PCDHGB4: variants seen among roughly 807,000 people sequenced by gnomAD.
The protein encoded by PCDHGB4 is protocadherin gamma subfamily B, 4.
A neutral mutation model predicts 60.5 loss-of-function variants in PCDHGB4; 38 were observed. The ratio of observed to expected loss-of-function variants is 0.63; its 90% CI spans 0.48 to 0.82. The LOEUF (loss-of-function observed/expected upper bound fraction) is 0.82. Ranked by LOEUF, PCDHGB4 falls within the 40% of genes least tolerant of loss-of-function variation. The pLI is 0.00. For missense variants in PCDHGB4, 1,109 were observed against 1,209.6 expected (o/e 0.92, Z 1.23); for synonymous variants, 456 against 509.7 (o/e 0.89, Z 1.42).
chr5:141,424,556 G>C (rs2096828013), intron 1 of PCDHGB4: 1 of 152,128 alleles, frequency 6.6e-6, no homozygotes, highest in South Asian at 2.1e-4. Context: ...TTGATTCAGT[G>C]CTTCTCAAAA....
intron 1 of PCDHGB4, among the ~76,000 whole-genome samples, chr5:141,472,725 C>T (rs1250092748): frequency 6.6e-6 from 1 of 152,022 alleles, no homozygotes; most frequent in Non-Finnish European, 1.5e-5. Flanking sequence ...GTGGCTCACA[C>T]CTGTAATCCC....
Position 141,502,866 on chromosome 5 carries a change from C to CTTTTTTTTTTTTTT in PCDHGB4, c.2457-2526_2457-2513dup, listed in dbSNP as rs549047197. Among the ~76,000 whole-genome samples the CTTTTTTTTTTTTTT allele has an allele frequency of 1.6e-4, 20 of 128,024 alleles. 4 individuals are homozygous for CTTTTTTTTTTTTTT. The highest frequency in any genetic ancestry group is 2.6e-4 in the Admixed American group (3 of 11,660). 84.0% of individuals were successfully genotyped at this position (128,024 alleles called of 152,430 possible). A position where few individuals can be genotyped will look rare whatever the true frequency, so the allele number is the denominator to read the frequency against. The stretch of plus-strand genomic sequence containing the variant: ...GAGCTGCCTAACCCTGACTCTCTGT[C>CTTTTTTTTTTTTTT]TTTTTTTTTTTTTTGACAGGGAGTC... On this transcript the variant is annotated intron_variant, in intron 2 of 3. Transcript: ENST00000519479.
chr5:141,405,648 G>A (rs936380418), intron 1 of PCDHGB4: 3 of 523,734 alleles, frequency 5.7e-6, no homozygotes, highest in East Asian at 3.2e-5. Flanking sequence ...CTAATTTTTT[G>A]TGTGTTTTTA....
chr5:141,403,927 G>A, intron 1 of PCDHGB4: 3 of 1,613,852 alleles, frequency 1.9e-6, no homozygotes, highest in East Asian at 2.2e-5. Context: ...AAGATGGTGG[G>A]GGATTGAAAG....
At chr5:141,478,821 A>G (rs72790063) in intron 1 of PCDHGB4, 38,524 of 1,444,166 alleles carry the variant, frequency 0.027, 650 homozygotes, top group East Asian at 0.045. Flanking sequence ...CAACTAACCA[A>G]TCTTGCTAAG....
At chr5:141,433,604 G>A (rs2097631609) in intron 1 of PCDHGB4, among the ~76,000 whole-genome samples, 1 of 152,138 alleles carries the variant, frequency 6.6e-6, no homozygotes, top group Non-Finnish European at 1.5e-5. Flanking sequence ...GGGAGGCCGA[G>A]GCGGGTGGAT....
intron 1 of PCDHGB4, chr5:141,428,158 G>A: frequency 6.3e-7 from 1 of 1,577,728 alleles, no homozygotes; most frequent in Non-Finnish European, 8.7e-7. Context: ...GGAACCTGCT[G>A]GTTGCTGTGC....
intron 1 of PCDHGB4, chr5:141,418,251 C>G: frequency 6.2e-7 from 1 of 1,614,058 alleles, no homozygotes; most frequent in Non-Finnish European, 8.5e-7. Context: ...GACCACGCCC[C>G]TCAATTCCGG....
At chr5:141,399,501 C>G in intron 1 of PCDHGB4, 1 of 1,614,030 alleles carries the variant, frequency 6.2e-7, no homozygotes, top group South Asian at 1.1e-5. Flanking sequence ...TCAGTGTACC[C>G]GAAAACAACC....
intron 1 of PCDHGB4, among the ~76,000 whole-genome samples, chr5:141,449,714 A>G (rs1188830159): frequency 2.6e-5 from 4 of 151,334 alleles, no homozygotes; most frequent in African/African-American, 7.3e-5. Flanking sequence ...CATTATTTTT[A>G]TATGATATGA....
Position 141,389,398 on chromosome 5 carries a change from T to A in PCDHGB4, c.1514T>A (p.Ile505Lys). ...EQRELSSYVS[I>K]SAESGVVFAQ... ...CGGGAGCTGTCATCCTACGTGTCCA[T>A]AAGCGCGGAGAGCGGGGTGGTGTTC... The change falls in exon 1 of 4, where the codon ATA becomes AAA. Residue 505 changes from isoleucine to lysine, a missense_variant. Physicochemically the swap from Ile to Lys is moderately radical, Grantham distance 102. Around this residue, in one of 2 missense-constraint regions of PCDHGB4, gnomAD observed 1,068 missense variants for 1,089.9 expected, o/e 0.98. Transcript: ENST00000519479. The A allele has an allele frequency of 6.2e-7, 1 of 1,613,654 alleles. No individual in the cohort carries two copies.
At chr5:141,421,823 G>A in intron 1 of PCDHGB4, 1 of 1,613,802 alleles carries the variant, frequency 6.2e-7, no homozygotes. Flanking sequence ...GTACTGGAGG[G>A]AAGCCTGGAC....
At chr5:141,437,983 A>C (rs544812394) in intron 1 of PCDHGB4, among the ~76,000 whole-genome samples, 1 of 152,056 alleles carries the variant, frequency 6.6e-6, no homozygotes, top group Admixed American at 6.5e-5. Context: ...GGATGCACCC[A>C]CCCCACCTCA....
intron 1 of PCDHGB4, among the ~76,000 whole-genome samples, chr5:141,402,311 A>G (rs1174114133): frequency 1.3e-5 from 2 of 152,022 alleles, no homozygotes; most frequent in Non-Finnish European, 2.9e-5. Flanking sequence ...ATACAATTAT[A>G]TATTTTACAT....
intron 3 of PCDHGB4, among the ~76,000 whole-genome samples, chr5:141,506,925 A>G (rs1287267937): frequency 1.3e-5 from 2 of 152,152 alleles, no homozygotes; most frequent in African/African-American, 4.8e-5. Context: ...ATACTAAACA[A>G]ACTTTAGGGG....
At chr5:141,390,674 T>C (rs1389887545) in intron 1 of PCDHGB4, 1 of 189,116 alleles carries the variant, frequency 5.3e-6, no homozygotes, top group East Asian at 1.5e-4. Flanking sequence ...ATAAAAATAA[T>C]AAAGCCAAAG....
intron 1 of PCDHGB4, chr5:141,392,937 G>A: frequency 6.2e-7 from 1 of 1,613,948 alleles, no homozygotes; most frequent in Admixed American, 1.7e-5. Context: ...GACGGACAAA[G>A]GCTCCTTCGT....
intron 2 of PCDHGB4, among the ~76,000 whole-genome samples, chr5:141,497,642 C>T (rs1426920174): frequency 1.3e-5 from 2 of 151,352 alleles, no homozygotes; most frequent in Middle Eastern, 3.4e-3. Context: ...CAGGTTCAAG[C>T]GATTCTCCTG....
At chr5:141,429,542 A>G (rs1484411621) in intron 1 of PCDHGB4, among the ~76,000 whole-genome samples, 3 of 152,188 alleles carry the variant, frequency 2.0e-5, no homozygotes, top group African/African-American at 7.2e-5. Context: ...AAATAAGAAC[A>G]TGGTAATGAT....
Sources: allele counts gnomAD v4.1 joint callset (sites outside exome capture counted in the v4.1 genomes callset), GRCh38; gene constraint gnomAD v4.1.1; regional missense constraint gnomAD v4.1.1; transcripts MANE v1.5; gene names NCBI Gene and HGNC (gene_info 2026-07-23, HGNC 2026-07-21).